Variants in INPP4B observed in about 807,000 individuals in gnomAD.
INPP4B encodes the protein inositol polyphosphate 4-phosphatase type II.
INPP4B carries 55 observed loss-of-function variants against 122.5 expected under a neutral mutation model. The ratio of observed to expected loss-of-function variants is 0.45; its 90% CI spans 0.36 to 0.56. INPP4B has a LOEUF of 0.56. Among genes scored for constraint, INPP4B ranks in the 20% least tolerant of loss-of-function variants. The pLI is 0.00. For synonymous variants in INPP4B, 403 were observed against 388.7 expected (o/e 1.04, Z -0.43); for missense variants, 1,000 against 1,097.7 (o/e 0.91, Z 1.26).
intron 2 of INPP4B, among the ~76,000 whole-genome samples, chr4:142,587,716 G>A (rs1736538256): frequency 1.3e-5 from 2 of 151,944 alleles, no homozygotes; most frequent in Admixed American, 1.3e-4. Context: ...ATTTTTAAAT[G>A]TACAATTAAA....
At chr4:142,638,546 C>CTTTTTT (rs3080813) in intron 2 of INPP4B, among the ~76,000 whole-genome samples, 1 of 134,316 alleles carries the variant, frequency 7.4e-6, no homozygotes, top group Non-Finnish European at 1.6e-5. Context: ...TGTCTATTCT[C>CTTTTTT]TTTTTTTTTT....
chr4:142,392,001 G>A (rs1347476876), intron 7 of INPP4B, among the ~76,000 whole-genome samples: 2 of 152,184 alleles, frequency 1.3e-5, no homozygotes, highest in Non-Finnish European at 2.9e-5. Context: ...GAAAAAGAAA[G>A]CTTTTTATGG....
At chr4:142,797,644 G>A (rs539182002) in intron 1 of INPP4B, among the ~76,000 whole-genome samples, 2 of 151,462 alleles carry the variant, frequency 1.3e-5, no homozygotes, top group Non-Finnish European at 1.5e-5. Context: ...AATATCCTAA[G>A]TGCTTCCAAA....
At chr4:142,403,203 C>T (rs1802223837) in intron 6 of INPP4B, 149 bp from the exon 7 acceptor site, 1 of 627,240 alleles carries the variant, frequency 1.6e-6, no homozygotes, top group South Asian at 2.0e-5. Flanking sequence ...TTGTCAAATC[C>T]TGCTCTTGGG....
intron 2 of INPP4B, among the ~76,000 whole-genome samples, chr4:142,715,428 G>A (rs1180320125): frequency 1.3e-5 from 2 of 152,324 alleles, no homozygotes; most frequent in African/African-American, 4.8e-5. Context: ...GCACTAGAAA[G>A]TAGGAGTAGA....
intron 15 of INPP4B, among the ~76,000 whole-genome samples, chr4:142,185,297 A>T (rs1414385997): frequency 1.3e-5 from 2 of 152,016 alleles, no homozygotes; most frequent in Admixed American, 1.3e-4. Flanking sequence ...AAGGGATGCA[A>T]AATGATTCAA....
intron 21 of INPP4B, among the ~76,000 whole-genome samples, chr4:142,113,382 T>C (rs1250215189): frequency 1.3e-5 from 2 of 151,992 alleles, no homozygotes; most frequent in African/African-American, 2.4e-5. Context: ...TATAGAAATT[T>C]AGAAAGCTTT....
chr4:142,135,470 G>T (rs1396005056), intron 18 of INPP4B, among the ~76,000 whole-genome samples: 1 of 152,156 alleles, frequency 6.6e-6, no homozygotes, highest in African/African-American at 2.4e-5. Flanking sequence ...AATCAGAAGG[G>T]ATGACAACTT....
At position 142,192,354 on chromosome 4, in the gene INPP4B, A is replaced by AAAG. The variant is rs148371542; in HGVS notation, c.1181+732_1181+733insCTT. On this transcript the variant is annotated intron_variant, in intron 15 of 25. Transcript: ENST00000262992. ...AAAGTAAAAAAAAAAAAAAAAAAAAATGGGATTCTTAAGAAGAATAACTAT... is the reference window on the plus strand; with the variant it reads ...AAAGTAAAAAAAAAAAAAAAAAAAAAAAGTGGGATTCTTAAGAAGAATAACTAT... 1.0e-3 allele frequency among the ~76,000 whole-genome samples: 74 copies of AAAG among 73,172 alleles called. 5 individuals carry two copies. The highest frequency in any genetic ancestry group is 3.3e-3 in the South Asian group (6 of 1,840). 48.0% of individuals were successfully genotyped at this position (73,172 alleles called of 152,430 possible).
At chr4:142,310,494 A>C (rs1199704776) in intron 8 of INPP4B, among the ~76,000 whole-genome samples, 1 of 152,168 alleles carries the variant, frequency 6.6e-6, no homozygotes, top group Admixed American at 6.5e-5. Flanking sequence ...TCCATTGAAC[A>C]CTGCTGGTTT....
intron 12 of INPP4B, among the ~76,000 whole-genome samples, chr4:142,220,392 C>A (rs768304878): frequency 1.3e-5 from 2 of 152,128 alleles, no homozygotes; most frequent in Non-Finnish European, 2.9e-5. Flanking sequence ...ACCAACATAA[C>A]AAAATTTTTA....
intron 2 of INPP4B, among the ~76,000 whole-genome samples, chr4:142,549,950 C>T (rs1428123984): frequency 1.3e-5 from 2 of 152,068 alleles, no homozygotes; most frequent in African/African-American, 2.4e-5. Flanking sequence ...GCAATAGCCT[C>T]GTGTATTAGG....
chr4:142,565,935 G>A (rs931065974), intron 2 of INPP4B: 1 of 152,176 alleles, frequency 6.6e-6, no homozygotes, highest in Non-Finnish European at 1.5e-5. Context: ...GACTGTCAGA[G>A]CCTCATCGAC....
chr4:142,030,689 A>C (rs1011529249), intron 25 of INPP4B, among the ~76,000 whole-genome samples: 1 of 152,226 alleles, frequency 6.6e-6, no homozygotes, highest in Non-Finnish European at 1.5e-5. Flanking sequence ...ACATCTTTAG[A>C]AAATGAAATG....
chr4:142,674,497 C>T (rs1480831624), intron 2 of INPP4B, among the ~76,000 whole-genome samples: 1 of 152,080 alleles, frequency 6.6e-6, no homozygotes, highest in Non-Finnish European at 1.5e-5. Flanking sequence ...ATATTCAGGA[C>T]TTGAACTCAG....
chr4:142,223,170 G>A (rs1193478230), intron 12 of INPP4B, among the ~76,000 whole-genome samples: 2 of 151,538 alleles, frequency 1.3e-5, no homozygotes, highest in Non-Finnish European at 2.9e-5. Flanking sequence ...CAAACCCAGG[G>A]CTGTTCCACA....
At chr4:142,412,942 C>T (rs1804916214) in intron 5 of INPP4B, among the ~76,000 whole-genome samples, 1 of 152,122 alleles carries the variant, frequency 6.6e-6, no homozygotes, top group East Asian at 1.9e-4. Context: ...GTCAAGCACA[C>T]ACTGCTCTTA....
intron 3 of INPP4B, among the ~76,000 whole-genome samples, chr4:142,451,531 G>A (rs557760920): frequency 1.1e-4 from 16 of 152,112 alleles, no homozygotes; most frequent in South Asian, 6.2e-4. Context: ...GGTTGCAGGC[G>A]TGAGCCACCG....
intron 18 of INPP4B, among the ~76,000 whole-genome samples, chr4:142,142,387 C>A (rs1405595574): frequency 6.6e-6 from 1 of 151,940 alleles, no homozygotes; most frequent in East Asian, 1.9e-4. Context: ...CTTTTAGATC[C>A]TGTTAGTTAG....
Sources: allele counts gnomAD v4.1 joint callset (sites outside exome capture counted in the v4.1 genomes callset), GRCh38; gene constraint gnomAD v4.1.1; transcripts MANE v1.5; gene names NCBI Gene and HGNC (gene_info 2026-07-23, HGNC 2026-07-21).